FBXW2: variants seen among roughly 807,000 people sequenced by gnomAD.
The protein encoded by FBXW2 is F-box/WD repeat-containing protein 2.
FBXW2 carries 12 observed loss-of-function variants against 46.0 expected under a neutral mutation model. The ratio of observed to expected loss-of-function variants is 0.26; its 90% confidence interval spans 0.17 to 0.42. The LOEUF (loss-of-function observed/expected upper bound fraction) is 0.42. Among genes scored for constraint, FBXW2 ranks in the 10% least tolerant of loss-of-function variants. The pLI is 1.00. For synonymous variants in FBXW2, 203 were observed against 209.6 expected (o/e 0.97, Z 0.27); for missense variants, 360 against 537.0 (o/e 0.67, Z 3.26).
intron 4 of FBXW2, chr9:120,776,530 C>T: frequency 1.1e-5 from 3 of 265,468 alleles, no homozygotes; most frequent in Non-Finnish European, 2.2e-5. Flanking sequence ...CTGCCTGACA[C>T]TACACAATAC....
intron 3 of FBXW2, among the ~76,000 whole-genome samples, chr9:120,781,336 G>C (rs1398788165): frequency 1.3e-5 from 2 of 152,002 alleles, no homozygotes. Context: ...GAACTATTTG[G>C]AATCATTCAA....
intron 2 of FBXW2, among the ~76,000 whole-genome samples, chr9:120,791,314 C>T (rs1184785267): frequency 6.6e-6 from 1 of 152,168 alleles, no homozygotes; most frequent in Admixed American, 6.5e-5. Context: ...TTTCCCATTA[C>T]CACGAACAGT....
rs1366077976 is a variant in FBXW2, at chr9:120,757,425, C to T, written c.*7134G>A. ...CTGGAACTTGTTCTAAGGAAATATG[C>T]ACAAAGAAGTTCTCTGTAGTATCTT... On this transcript the variant is annotated 3_prime_UTR_variant, in exon 8 of 8. Transcript: ENST00000608872. 6.6e-6 allele frequency: 1 copy of T among 152,150 alleles called. No individual in the cohort carries two copies. The highest frequency in any genetic ancestry group is 2.4e-5 in the African/African-American group (1 of 41,434). The allele number at this position is 152,150 out of a possible 1,614,324, so 9.4% of individuals were successfully genotyped here. A position where few individuals can be genotyped will look rare whatever the true frequency, so the allele number is the denominator to read the frequency against.
intron 3 of FBXW2, among the ~76,000 whole-genome samples, chr9:120,786,999 G>A (rs1213254245): frequency 1.3e-5 from 2 of 152,074 alleles, no homozygotes; most frequent in Non-Finnish European, 2.9e-5. Flanking sequence ...CAGGATTTCA[G>A]AGCAAGGAAG....
At chr9:120,788,338 C>A in intron 2 of FBXW2, 60 bp from the exon 3 acceptor site, 1 of 1,459,908 alleles carries the variant, frequency 6.8e-7, no homozygotes, top group Non-Finnish European at 9.2e-7. Context: ...AGCAAGACTG[C>A]TAACAAATGA....
At chr9:120,766,758 C>T (rs1012445683) in intron 7 of FBXW2, among the ~76,000 whole-genome samples, 2 of 152,248 alleles carry the variant, frequency 1.3e-5, no homozygotes, top group African/African-American at 4.8e-5. Context: ...CTGCACCCAG[C>T]GTGTTATCTC....
Position 120,776,219 on chromosome 9 carries a change from G to T in FBXW2, c.693C>A (p.Ser231Arg), listed in dbSNP as rs1479753771. The change falls in exon 5 of 8, where the codon AGC (serine) becomes AGA (arginine). Residue 231 changes from serine to arginine, a missense_variant. Transcript: ENST00000608872. ...HFRGHTGAVF[S>R]VDYNDELDIL... ...TATCCAGTTCATCATTGTAGTCCAC[G>T]CTAAATACTAGTGCATATAATTACA... is the stretch of plus-strand genomic sequence containing the variant. The T allele has an allele frequency of 6.2e-7, 1 of 1,613,588 alleles. No individual in the cohort carries two copies.
Position 120,788,018 on chromosome 9 carries a change from A to G in FBXW2, c.241T>C (p.Cys81Arg). The G allele has an allele frequency of 6.2e-7, 1 of 1,614,228 alleles. No individual in the cohort carries two copies. Among genetic ancestry groups the G allele is most frequent in the Non-Finnish European group, 8.5e-7 (1 of 1,180,046 alleles). Residue 81 changes from cysteine to arginine, a missense_variant, in exon 3 of 8, where the codon TGC becomes CGC. Coordinates refer to ENST00000608872, the MANE Select transcript of FBXW2 (RefSeq NM_012164.4). ...WLDPQTLLTC[C>R]LVSKQWNKVI... ...TTATTCCACTGTTTAGAGACGAGGC[A>G]GCATGTGAGTAAAGTCTGAGGATCG... is the stretch of plus-strand genomic sequence containing the variant.
chr9:120,772,610 T>C (rs1011109331), intron 6 of FBXW2, 144 bp downstream of exon 6: 1 of 534,530 alleles, frequency 1.9e-6, no homozygotes, highest in African/African-American at 2.0e-5. Context: ...AAATCATCTC[T>C]TCTTCCGGTG....
rs747421346 is a variant in FBXW2, at chr9:120,758,193, CTGGAGTGGGGTA to C, written c.*6354_*6365del. ...CCTTACACAAAAATGCTCAGTGAGG[CTGGAGTGGGGTA>C]TGGTGGTCAGCAGAGGCTTTAAAGA... On this transcript the variant is annotated 3_prime_UTR_variant, in exon 8 of 8. Transcript: ENST00000608872. 1.3e-5 allele frequency: 2 copies of C among 152,156 alleles called. No individual in the cohort carries two copies. Among genetic ancestry groups the C allele is most frequent in the African/African-American group, 4.8e-5 (2 of 41,428 alleles). The allele number at this position is 152,156 out of a possible 1,614,324, so 9.4% of individuals were successfully genotyped here.
intron 3 of FBXW2, among the ~76,000 whole-genome samples, chr9:120,781,838 C>T (rs1192775186): frequency 2.0e-5 from 3 of 151,758 alleles, no homozygotes; most frequent in African/African-American, 4.8e-5. Flanking sequence ...GCCTTACCAA[C>T]GTGGAGAAAT....
At chr9:120,791,475 C>T (rs35232035) in intron 2 of FBXW2, among the ~76,000 whole-genome samples, 18,356 of 152,228 alleles carry the variant, frequency 0.12, 1,262 homozygotes, top group Middle Eastern at 0.17. Context: ...AAAATGGAAG[C>T]CATCATCCAA....
rs760319297 is a variant in FBXW2, at chr9:120,776,083, G to A, written c.819+10C>T. ...CTGATAAGCAGGAGACTTCTTCCAAGTCTTCCTACCTTGGTGACCCATTCC... is the reference window on the plus strand; with the variant it reads ...CTGATAAGCAGGAGACTTCTTCCAAATCTTCCTACCTTGGTGACCCATTCC... On this transcript the variant is annotated intron_variant, in intron 5 of 7. Coordinates refer to ENST00000608872, the MANE Select transcript of FBXW2 (RefSeq NM_012164.4). 10 of 1,612,932 alleles carry A rather than the reference G, an allele frequency of 6.2e-6. No homozygotes were observed. Among genetic ancestry groups the A allele is most frequent in the Non-Finnish European group, 8.5e-6 (10 of 1,179,646 alleles).
chr9:120,779,858 A>G (rs947902568), intron 3 of FBXW2, among the ~76,000 whole-genome samples: 1 of 152,232 alleles, frequency 6.6e-6, no homozygotes, highest in African/African-American at 2.4e-5. Context: ...TTACATTAAA[A>G]AAGAAATGTT....
At chr9:120,779,877 C>T (rs547494424) in intron 3 of FBXW2, among the ~76,000 whole-genome samples, 6 of 152,040 alleles carry the variant, frequency 3.9e-5, no homozygotes, top group Non-Finnish European at 8.8e-5. Flanking sequence ...TTGGGCCGGG[C>T]GCAGTGGCTC....
intron 7 of FBXW2, among the ~76,000 whole-genome samples, chr9:120,765,741 T>C (rs184492065): frequency 6.6e-6 from 1 of 152,168 alleles, no homozygotes; most frequent in Non-Finnish European, 1.5e-5. Context: ...TATTTAAAGT[T>C]TCCCAAATAA....
intron 4 of FBXW2, 43 bp downstream of exon 4, chr9:120,778,308 G>A: frequency 2.6e-6 from 4 of 1,519,082 alleles, no homozygotes; most frequent in Non-Finnish European, 2.7e-6. Flanking sequence ...GGCTTAAAAG[G>A]ATGAGGCTAA....
intron 5 of FBXW2, among the ~76,000 whole-genome samples, chr9:120,774,297 A>G (rs1272508717): frequency 6.9e-6 from 1 of 145,380 alleles, no homozygotes; most frequent in Non-Finnish European, 1.5e-5. Context: ...AGATCGTGCC[A>G]CTGCACTCCA....
intron 2 of FBXW2, among the ~76,000 whole-genome samples, chr9:120,790,935 CCTAA>C (rs1345031873): frequency 6.6e-6 from 1 of 152,136 alleles, no homozygotes; most frequent in East Asian, 1.9e-4. Context: ...TATATATTCT[CCTAA>C]CTCTTAATAA....
Sources: gnomAD v4.1 joint callset for allele counts (sites outside exome capture counted in the v4.1 genomes callset) on GRCh38, gnomAD v4.1.1 for gene constraint, MANE v1.5 for transcripts, NCBI Gene and HGNC (gene_info 2026-07-23, HGNC 2026-07-21) for gene names.